The following FGFR1 variants were observed in gnomAD, a reference collection of about 807,000 sequenced individuals.
FGFR1 encodes fibroblast growth factor receptor 1.
Under a neutral mutation model 93.7 loss-of-function variants are expected in FGFR1, and 18 were observed. The observed-to-expected ratio is 0.19, with a 90% CI of 0.13 to 0.28. The LOEUF is 0.28. FGFR1 is among the 10% of genes least tolerant of loss of function. The probability of loss-of-function intolerance (pLI) is 1.00; values close to 1 mark genes in which losing one functional copy is unlikely to be tolerated. For synonymous variants in FGFR1, 448 were observed against 429.3 expected, an observed-to-expected ratio of 1.04 and a Z score of -0.54; for missense variants, 731 against 1,080.4, an observed-to-expected ratio of 0.68 and a Z score of 4.53.
chr8:38,424,140 G>T lies in FGFR1; in HGVS notation c.936+369C>A. 1 of 398,350 alleles carries T rather than the reference G, an allele frequency of 2.5e-6. No individual in the cohort carries two copies. Among genetic ancestry groups the T allele is most frequent in the Admixed American group, 3.7e-5 (1 of 27,370 alleles). 24.7% of individuals were successfully genotyped at this position (398,350 alleles called of 1,614,324 possible). A position where few individuals can be genotyped will look rare whatever the true frequency, so the allele number is the denominator to read the frequency against. On this transcript the variant is annotated intron_variant, in intron 7 of 17. Transcript: ENST00000447712. This position sits in a 1 kb window ranked among gnomAD's most constrained non-coding sequence, Gnocchi z 4.3. Reference sequence around the variant, plus strand: ...GCCAGAAAGATCGTACGTAACTCAGGACACAGGGCTAAGACTGGGAAACGC... The same window carrying T: ...GCCAGAAAGATCGTACGTAACTCAGTACACAGGGCTAAGACTGGGAAACGC...
rs114713970 is a variant in FGFR1 at position 38,461,197 on chromosome 8, A to G, written c.-88-3663T>C. 3,101 of 1,494,578 alleles carry G rather than the reference A, an allele frequency of 2.1e-3. 60 individuals are homozygous for G. In the African/African-American group the frequency reaches 0.039, roughly 19 times the overall value. 92.6% of individuals were successfully genotyped at this position (1,494,578 alleles called of 1,614,324 possible). ...TACTGATCCAACATACAGGGTGGAC[A>G]GTGTCTGGTGAGATAGCAGGGGCTG... On this transcript the variant is annotated intron_variant, in intron 1 of 17. Coordinates refer to ENST00000447712, the MANE Select transcript of FGFR1 (RefSeq NM_023110.3).
intron 2 of FGFR1, among the ~76,000 whole-genome samples, chr8:38,444,555 A>T (rs1264771106): frequency 1.1e-5 from 1 of 91,240 alleles, no homozygotes; most frequent in Non-Finnish European, 2.5e-5. Context: ...CGCGTGGCTA[A>T]ATTTTTTTTT....
At chr8:38,461,192 T>C in intron 1 of FGFR1, 1 of 1,497,042 alleles carries the variant, frequency 6.7e-7, no homozygotes, top group African/African-American at 1.4e-5. Context: ...ACATACAGGG[T>C]GGACAGTGTC....
In FGFR1 at chr8:38,415,986, C is replaced by A. The variant is rs1410298719; in HGVS notation, c.1738G>T (p.Gly580Trp). The A allele has an allele frequency of 6.2e-7, 1 of 1,614,044 alleles. No individual in the cohort carries two copies. ...REYLQARRPP[G>W]LEYCYNPSHN... is the part of the protein sequence containing the mutation. Reference sequence around the variant, plus strand: ...CTGGGGTTGTAGCAGTATTCCAGCCCTGGGGGCCTCCGGGCCTGCAGGTAC... The same window carrying A: ...CTGGGGTTGTAGCAGTATTCCAGCCATGGGGGCCTCCGGGCCTGCAGGTAC... The change falls in exon 13 of 18, where the codon GGG (glycine) becomes TGG (tryptophan). Residue 580 changes from glycine to tryptophan, a missense_variant. Coordinates refer to ENST00000447712, the MANE Select transcript of FGFR1 (RefSeq NM_023110.3).
Position 38,426,302 on chromosome 8 carries a change from T to C in FGFR1, c.622-57A>G, listed in dbSNP as rs1336162312. 2.9e-5 allele frequency: 46 copies of C among 1,610,602 alleles called. No individual in the cohort carries two copies. The highest frequency in any genetic ancestry group is 3.8e-5 in the Non-Finnish European group (45 of 1,179,338). On this transcript the variant is annotated intron_variant, in intron 5 of 17. Transcript: ENST00000447712. This position sits in a 1 kb window ranked among gnomAD's most constrained non-coding sequence, Gnocchi z 4.1. ...GGTCCAGAGGAAAATGCAGGCCCCATGACAATGTCGGCACCCCGTGGCACC... is the reference window on the plus strand; with the variant it reads ...GGTCCAGAGGAAAATGCAGGCCCCACGACAATGTCGGCACCCCGTGGCACC...
chr8:38,452,487 C>T (rs539261649), intron 2 of FGFR1, among the ~76,000 whole-genome samples: 1 of 152,194 alleles, frequency 6.6e-6, no homozygotes, highest in East Asian at 1.9e-4. Flanking sequence ...ATCTCAGCCT[C>T]CTGAATAGCT....
intron 2 of FGFR1, among the ~76,000 whole-genome samples, chr8:38,437,779 A>C (rs1825937465): frequency 6.6e-6 from 1 of 152,136 alleles, no homozygotes; most frequent in Non-Finnish European, 1.5e-5. Context: ...CAGGGAACAC[A>C]CCTCTCTGCA....
At position 38,419,695 on chromosome 8, in the gene FGFR1, G is replaced by A. The variant is rs2150713463; in HGVS notation, c.1122C>T (p.Tyr374=). The change falls in exon 9 of 18, where the codon TAC becomes TAT. Residue 374 remains tyrosine (Y), a synonymous_variant. Coordinates refer to ENST00000447712, the MANE Select transcript of FGFR1 (RefSeq NM_023110.3). ...ERPAVMTSPL[Y]LEIIIYCTGA... Reference sequence around the variant, plus strand: ...CTGTGCAATAGATGATGATCTCCAGGTACAGGGGCGAGGTCATCACTGCCG... The same window carrying A: ...CTGTGCAATAGATGATGATCTCCAGATACAGGGGCGAGGTCATCACTGCCG... The A allele has an allele frequency of 6.2e-7, 1 of 1,614,144 alleles. No homozygotes were observed. Among genetic ancestry groups the A allele is most frequent in the South Asian group, 1.1e-5 (1 of 91,082 alleles).
intron 7 of FGFR1, chr8:38,423,494 G>A (rs1420761695): frequency 3.4e-6 from 1 of 292,794 alleles, no homozygotes; most frequent in Non-Finnish European, 6.5e-6. Context: ...GCTAATTTTT[G>A]TATTTTTAGT....
At position 38,449,344 on chromosome 8, in the gene FGFR1, C is replaced by T. The variant is rs111978728; in HGVS notation, c.91+8012G>A. Among the ~76,000 whole-genome samples the T allele has an allele frequency of 6.0e-3, 910 of 151,658 alleles. 13 individuals are homozygous for T. The highest frequency in any genetic ancestry group is 0.021 in the African/African-American group (854 of 41,282). ...ATGTATAAAGTATACATTGTATTTA[C>T]GGAAAAAGGAAGAGACTTGCTTGAC... is the stretch of plus-strand genomic sequence containing the variant. On this transcript the variant is annotated intron_variant, in intron 2 of 17. Transcript: ENST00000447712.
Position 38,424,390 on chromosome 8 carries a change from T to G in FGFR1, c.936+119A>C. The G allele has an allele frequency of 9.4e-7, 1 of 1,059,676 alleles. No individual in the cohort carries two copies. The highest frequency in any genetic ancestry group is 1.3e-5 in the South Asian group (1 of 76,424). 65.6% of individuals were successfully genotyped at this position (1,059,676 alleles called of 1,614,324 possible). ...CCTACTGAGATGGAGTGTGTGTGCC[T>G]GAAGCGTGAGGAATGATCCCATTCG... is the stretch of plus-strand genomic sequence containing the variant. On this transcript the variant is annotated intron_variant, in intron 7 of 17. Transcript: ENST00000447712. The surrounding 1 kb of genome is among the most constrained non-coding windows in gnomAD (Gnocchi z 4.3).
chr8:38,448,069 A>T (rs938101407), intron 2 of FGFR1, among the ~76,000 whole-genome samples: 7 of 152,238 alleles, frequency 4.6e-5, no homozygotes, highest in African/African-American at 1.7e-4. Flanking sequence ...CTAAATGCTG[A>T]TATCAGTCAC....
Position 38,419,723 on chromosome 8 carries a change from C to T in FGFR1, c.1094G>A (p.Arg365Lys). The change falls in exon 9 of 18, where the codon AGG becomes AAG. Residue 365 changes from arginine to lysine, a missense_variant. Physicochemically the swap from Arg to Lys is conservative, Grantham distance 26. Coordinates refer to ENST00000447712, the MANE Select transcript of FGFR1 (RefSeq NM_023110.3). Reference sequence around the variant, plus strand: ...CAGGGGCGAGGTCATCACTGCCGGCCTCTCTTCCAGGGCTGAGTCAGTGCG... The same window carrying T: ...CAGGGGCGAGGTCATCACTGCCGGCTTCTCTTCCAGGGCTGAGTCAGTGCG... ...WLTVLEALEE[R>K]PAVMTSPLYL... The T allele has an allele frequency of 6.2e-7, 1 of 1,614,138 alleles. No individual in the cohort carries two copies. Among genetic ancestry groups the T allele is most frequent in the South Asian group, 1.1e-5 (1 of 91,074 alleles).
At chr8:38,439,280 T>G (rs573652500) in intron 2 of FGFR1, among the ~76,000 whole-genome samples, 1 of 152,042 alleles carries the variant, frequency 6.6e-6, no homozygotes, top group African/African-American at 2.4e-5. Context: ...CATGGGGTGA[T>G]GAGGGGTGGC....
chr8:38,466,175 A>G (rs138012741), intron 1 of FGFR1: 5,097 of 232,290 alleles, frequency 0.022, 82 homozygotes, highest in Non-Finnish European at 0.031. Flanking sequence ...ATGCGGCCCA[A>G]ATCAGTCCTT....
intron 6 of FGFR1, chr8:38,425,835 T>C (rs973251196): frequency 6.4e-6 from 3 of 466,586 alleles, no homozygotes; most frequent in African/African-American, 3.9e-5. Context: ...TTACGCTACA[T>C]TTAACACCTC....
intron 1 of FGFR1, among the ~76,000 whole-genome samples, chr8:38,461,998 C>A (rs909868257): frequency 6.6e-6 from 1 of 152,142 alleles, no homozygotes; most frequent in Non-Finnish European, 1.5e-5. Flanking sequence ...ATATTCTAGA[C>A]CTGTGGCCCA....
chr8:38,465,371 G>C (rs867556832), intron 1 of FGFR1: 1 of 232,454 alleles, frequency 4.3e-6, no homozygotes, highest in South Asian at 1.8e-4. Context: ...CGCAGTCCAA[G>C]TGGCTCTCAA....
intron 2 of FGFR1, chr8:38,434,436 G>T: frequency 2.5e-6 from 1 of 394,312 alleles, no homozygotes; most frequent in South Asian, 2.8e-5. Flanking sequence ...AACACTGATG[G>T]AAGTCAACTG....
Sources: gnomAD v4.1 joint callset for allele counts (sites outside exome capture counted in the v4.1 genomes callset) on GRCh38, gnomAD v4.1.1 for gene constraint, Gnocchi (gnomAD v3.1) non-coding constraint, MANE v1.5 for transcripts, NCBI Gene and HGNC (gene_info 2026-07-23, HGNC 2026-07-21) for gene names.